Variants in SMAD2 observed in about 807,000 individuals in gnomAD.
SMAD2 encodes SMAD family member 2.
In SMAD2, 8 loss-of-function variants were observed where a neutral mutation model predicts 64.4. That is an observed-to-expected ratio of 0.12 (90% CI 0.07 to 0.22). SMAD2 has a LOEUF of 0.22. SMAD2 is among the 10% of genes least tolerant of loss of function. The pLI, the probability that SMAD2 is intolerant of heterozygous loss-of-function variation, is 1.00. For synonymous variants in SMAD2, 203 were observed against 195.8 expected, an observed-to-expected ratio of 1.04 and a Z score of -0.31; for missense variants, 289 against 561.2, an observed-to-expected ratio of 0.51 and a Z score of 4.90.
At chr18:47,882,488 CGGCTGGCTTACACTGA>C (rs1239195155) in intron 2 of SMAD2, 1 of 152,426 alleles carries the variant, frequency 6.6e-6, no homozygotes, top group Non-Finnish European at 1.5e-5. Context: ...TGAGCCGCTG[CGGCTGGCTTACACTGA>C]TTACTTTTTG....
chr18:47,831,523 T>C lies in SMAD2; in HGVS notation c.*10304A>G, dbSNP rs1322588199. ...GGTGCAGAGGCAGCCAACAAAACTA[T>C]TGAAGACAGACTGTAAAAACTGGCA... On this transcript the variant is annotated 3_prime_UTR_variant, in exon 11 of 11. Transcript: ENST00000262160. The C allele has an allele frequency of 2.0e-5, 3 of 152,224 alleles. No homozygotes were observed. Among genetic ancestry groups the C allele is most frequent in the African/African-American group, 4.8e-5 (2 of 41,456 alleles). 9.4% of individuals were successfully genotyped at this position (152,224 alleles called of 1,614,324 possible).
chr18:47,870,178 C>T (rs552670040), intron 3 of SMAD2, among the ~76,000 whole-genome samples: 1 of 152,106 alleles, frequency 6.6e-6, no homozygotes, highest in African/African-American at 2.4e-5. Flanking sequence ...ATTAGGCCAA[C>T]AACAGATTAT....
At chr18:47,869,215 C>G (rs933020550) in intron 4 of SMAD2, 28 bp downstream of exon 4, 19 of 1,571,248 alleles carry the variant, frequency 1.2e-5, no homozygotes, top group Middle Eastern at 1.8e-4. Flanking sequence ...TAATTCAAAA[C>G]CAAGAAAAAA....
intron 1 of SMAD2, among the ~76,000 whole-genome samples, chr18:47,909,740 G>A (rs1568107334): frequency 6.6e-6 from 1 of 152,150 alleles, no homozygotes; most frequent in East Asian, 1.9e-4. Flanking sequence ...TTCCATCAAT[G>A]CTTTGTCCCT....
chr18:47,830,315 G>A lies in SMAD2; in HGVS notation c.*11512C>T, dbSNP rs1286158836. 2.0e-5 allele frequency: 3 copies of A among 152,110 alleles called. No homozygotes were observed. Among genetic ancestry groups the A allele is most frequent in the South Asian group, 2.1e-4 (1 of 4,816 alleles). 9.4% of individuals were successfully genotyped at this position (152,110 alleles called of 1,614,324 possible). A position where few individuals can be genotyped will look rare whatever the true frequency, so the allele number is the denominator to read the frequency against. On this transcript the variant is annotated 3_prime_UTR_variant, in exon 11 of 11. Coordinates refer to ENST00000262160, the MANE Select transcript of SMAD2 (RefSeq NM_005901.6). The stretch of plus-strand genomic sequence containing the variant: ...TTTTCAGCCAGGCATGATGGCTCAC[G>A]CCTGTAATTCCAGCACTTTGGGAGG...
rs570066031 is a variant in SMAD2 at position 47,841,043 on chromosome 18, T to A, written c.*784A>T. 8.6e-4 allele frequency: 200 copies of A among 232,444 alleles called. No individual in the cohort carries two copies. Among genetic ancestry groups the A allele is most frequent in the African/African-American group, 4.1e-3 (184 of 45,330 alleles). The allele number at this position is 232,444 out of a possible 1,614,324, so 14.4% of individuals were successfully genotyped here. A position where few individuals can be genotyped will look rare whatever the true frequency, so the allele number is the denominator to read the frequency against. On this transcript the variant is annotated 3_prime_UTR_variant, in exon 11 of 11. Coordinates refer to ENST00000262160, the MANE Select transcript of SMAD2 (RefSeq NM_005901.6). Reference sequence around the variant, plus strand: ...TCAATGCAACTATTACTGGTGATGATGTCATGTTATGCTGTTTTGATTATG... The same window carrying A: ...TCAATGCAACTATTACTGGTGATGAAGTCATGTTATGCTGTTTTGATTATG...
chr18:47,843,177 C>T (rs1054176177), intron 10 of SMAD2, among the ~76,000 whole-genome samples: 4 of 152,160 alleles, frequency 2.6e-5, no homozygotes, highest in Non-Finnish European at 4.4e-5. Flanking sequence ...CCCAAAAAGG[C>T]TAGAGGTGCC....
At chr18:47,864,565 A>AT (rs1251666092) in intron 6 of SMAD2, among the ~76,000 whole-genome samples, 7 of 152,078 alleles carry the variant, frequency 4.6e-5, no homozygotes, top group African/African-American at 1.7e-4. Flanking sequence ...TAAAGCTTTA[A>AT]TTTTTTTCTT....
chr18:47,858,591 T>G (rs1248162923), intron 6 of SMAD2, among the ~76,000 whole-genome samples: 4 of 152,176 alleles, frequency 2.6e-5, no homozygotes, highest in Admixed American at 1.3e-4. Flanking sequence ...TTATATATTT[T>G]TATTAAGTAA....
intron 1 of SMAD2, among the ~76,000 whole-genome samples, chr18:47,923,281 G>C (rs930570053): frequency 3.8e-4 from 58 of 151,688 alleles, no homozygotes; most frequent in African/African-American, 1.3e-3. Flanking sequence ...AATTCCCAAA[G>C]TCTATCCTGA....
At chr18:47,875,203 T>C (rs2032196919) in intron 2 of SMAD2, among the ~76,000 whole-genome samples, 1 of 152,168 alleles carries the variant, frequency 6.6e-6, no homozygotes, top group Non-Finnish European at 1.5e-5. Context: ...ACTAATTCTT[T>C]AATAAGTCTA....
intron 1 of SMAD2, among the ~76,000 whole-genome samples, chr18:47,911,133 C>T (rs527870042): frequency 8.5e-4 from 129 of 152,116 alleles, no homozygotes; most frequent in African/African-American, 3.0e-3. Context: ...GGTTGGATCA[C>T]GAGGTCAGGC....
At chr18:47,852,071 TTTTGAGTAGC>T (rs1432960955) in intron 6 of SMAD2, among the ~76,000 whole-genome samples, 1 of 152,186 alleles carries the variant, frequency 6.6e-6, no homozygotes, top group Admixed American at 6.5e-5. Flanking sequence ...ACAGTTTTAA[TTTTGAGTAGC>T]TTTACACATG....
rs1489360924 is a variant in SMAD2, at chr18:47,865,033, G to A, written c.730+26C>T. On this transcript the variant is annotated intron_variant, in intron 6 of 10. Transcript: ENST00000262160. ...CAAGAAATGTATATCTAATAACTGAGGAATTTTCAAAGACATTTTTTTTAC... is the reference window on the plus strand; with the variant it reads ...CAAGAAATGTATATCTAATAACTGAAGAATTTTCAAAGACATTTTTTTTAC... 3.0e-6 allele frequency: 4 copies of A among 1,340,388 alleles called. No individual in the cohort carries two copies. The South Asian group carries it at 3.5e-5, about 12-fold the overall frequency. The allele number at this position is 1,340,388 out of a possible 1,614,324, so 83.0% of individuals were successfully genotyped here.
rs532154739 is a variant in SMAD2, at chr18:47,824,974, G to C, written c.*16853C>G. 183 of 152,276 alleles carry C rather than the reference G, an allele frequency of 1.2e-3. No homozygotes were observed. Among genetic ancestry groups the C allele is most frequent in the African/African-American group, 4.1e-3 (171 of 41,550 alleles). The allele number at this position is 152,276 out of a possible 1,614,324, so 9.4% of individuals were successfully genotyped here. A position where few individuals can be genotyped will look rare whatever the true frequency, so the allele number is the denominator to read the frequency against. On this transcript the variant is annotated 3_prime_UTR_variant, in exon 11 of 11. Coordinates refer to ENST00000262160, the MANE Select transcript of SMAD2 (RefSeq NM_005901.6). ...AAACATTTTCCATTGAATATACACA[G>C]ACATACAAATAAAGACTGGAAAAAA...
rs1912475488 is a variant in SMAD2 at position 47,819,131 on chromosome 18, T to C, written c.*22696A>G. The C allele has an allele frequency of 6.6e-6, 1 of 152,250 alleles. No homozygotes were observed. The highest frequency in any genetic ancestry group is 6.5e-5 in the Admixed American group (1 of 15,280). 9.4% of individuals were successfully genotyped at this position (152,250 alleles called of 1,614,324 possible). A position where few individuals can be genotyped will look rare whatever the true frequency, so the allele number is the denominator to read the frequency against. On this transcript the variant is annotated 3_prime_UTR_variant, in exon 11 of 11. Transcript: ENST00000262160. ...TATATAGTAATTAACACAAGTGCCTTTTAGTTAATATAACTTAAACATCTG... is the reference window on the plus strand; with the variant it reads ...TATATAGTAATTAACACAAGTGCCTCTTAGTTAATATAACTTAAACATCTG...
In SMAD2 at chr18:47,850,317, TAC is replaced by T. The variant is rs1161140359; in HGVS notation, c.784+955_784+956del. Among the ~76,000 whole-genome samples the T allele has an allele frequency of 1.5e-3, 65 of 43,594 alleles. 1 individual carries two copies. Among genetic ancestry groups the T allele is most frequent in the African/African-American group, 1.9e-3 (18 of 9,702 alleles). The allele number at this position is 43,594 out of a possible 152,430, so 28.6% of individuals were successfully genotyped here. On this transcript the variant is annotated intron_variant, in intron 7 of 10. Coordinates refer to ENST00000262160, the MANE Select transcript of SMAD2 (RefSeq NM_005901.6). ...TATAATATATATTATGTATGTTATA[TAC>T]ATATTATGTATAATATATGTTATAT...
rs564094439 is a variant in SMAD2 at position 47,837,941 on chromosome 18, C to T, written c.*3886G>A. The stretch of plus-strand genomic sequence containing the variant: ...TACTTTATATCCCAACATAAACCTA[C>T]GCCACCCTCAGACGAAGAGGGTATC... On this transcript the variant is annotated 3_prime_UTR_variant, in exon 11 of 11. Coordinates refer to ENST00000262160, the MANE Select transcript of SMAD2 (RefSeq NM_005901.6). 171 of 232,426 alleles carry T rather than the reference C, an allele frequency of 7.4e-4. 1 individual carries two copies. The highest frequency in any genetic ancestry group is 2.8e-3 in the African/African-American group (126 of 45,382). 14.4% of individuals were successfully genotyped at this position (232,426 alleles called of 1,614,324 possible). A position where few individuals can be genotyped will look rare whatever the true frequency, so the allele number is the denominator to read the frequency against.
At chr18:47,865,006 T>C (rs2031454178) in intron 6 of SMAD2, 53 bp downstream of exon 6, 4 of 1,035,072 alleles carry the variant, frequency 3.9e-6, no homozygotes, top group Non-Finnish European at 6.1e-6. Context: ...TTTCAAACAA[T>C]ACAAGAAATG....
Sources: allele counts gnomAD v4.1 joint callset (sites outside exome capture counted in the v4.1 genomes callset), GRCh38; gene constraint gnomAD v4.1.1; transcripts MANE v1.5; gene names NCBI Gene and HGNC (gene_info 2026-07-23, HGNC 2026-07-21).